Variants in ERC2 observed in about 807,000 individuals in gnomAD.
The protein encoded by ERC2 is ERC protein 2.
A neutral mutation model predicts 114.8 loss-of-function variants in ERC2; 42 were observed. The observed-to-expected ratio is 0.37, with a 90% CI of 0.29 to 0.47. The LOEUF is 0.47. ERC2 is among the 20% of genes least tolerant of loss of function. The pLI is 0.99. For synonymous variants in ERC2, 454 were observed against 425.5 expected, an observed-to-expected ratio of 1.07 and a Z score of -0.82; for missense variants, 939 against 1,150.7, an observed-to-expected ratio of 0.82 and a Z score of 2.66.
At chr3:55,614,910 A>C (rs908312653) in intron 17 of ERC2, among the ~76,000 whole-genome samples, 2 of 152,216 alleles carry the variant, frequency 1.3e-5, no homozygotes, top group Non-Finnish European at 2.9e-5. Context: ...AAAACAAACA[A>C]ACAAACAGGT....
intron 14 of ERC2, among the ~76,000 whole-genome samples, chr3:55,738,681 C>T (rs2065793233): frequency 6.6e-6 from 1 of 152,138 alleles, no homozygotes; most frequent in African/African-American, 2.4e-5. Flanking sequence ...CTGCTTTAAC[C>T]CATTTTCCTT....
intron 17 of ERC2, among the ~76,000 whole-genome samples, chr3:55,530,857 G>A (rs2053620837): frequency 6.6e-6 from 1 of 152,068 alleles, no homozygotes; most frequent in African/African-American, 2.4e-5. Context: ...GGTGGGGGTG[G>A]GCATCCCCCC....
intron 17 of ERC2, among the ~76,000 whole-genome samples, chr3:55,591,363 G>T (rs1249357278): frequency 6.6e-6 from 1 of 152,100 alleles, no homozygotes; most frequent in East Asian, 1.9e-4. Context: ...GGGAAGTGAA[G>T]TCTGGGGTAC....
chr3:56,239,627 G>A (rs888029909), intron 3 of ERC2, among the ~76,000 whole-genome samples: 37 of 152,198 alleles, frequency 2.4e-4, no homozygotes, highest in Admixed American at 2.2e-3. Context: ...TAACTTAGAA[G>A]TACCTAGAGA....
At chr3:55,822,283 CCTTTT>C (rs2060154960) in intron 14 of ERC2, among the ~76,000 whole-genome samples, 1 of 152,142 alleles carries the variant, frequency 6.6e-6, no homozygotes, top group South Asian at 2.1e-4. Flanking sequence ...CAAAATATTT[CCTTTT>C]AAGATCCTCA....
intron 7 of ERC2, among the ~76,000 whole-genome samples, chr3:56,023,785 A>AGGAAGGAAGGAAGGAAGGAAGGAAGGAG (rs2073876637): frequency 6.6e-6 from 1 of 151,588 alleles, no homozygotes; most frequent in African/African-American, 2.4e-5. Context: ...GAAGGAAGGA[A>AGGAAGGAAGGAAGGAAGGAAGGAAGGAG]GGAAGGAAGG....
intron 2 of ERC2, among the ~76,000 whole-genome samples, chr3:56,340,521 TGAGA>T (rs148284942): frequency 9.3e-5 from 13 of 140,194 alleles, no homozygotes; most frequent in African/African-American, 3.1e-4. Flanking sequence ...TGTTTGTGTG[TGAGA>T]GAGAGAGAGA....
chr3:56,217,658 A>C (rs2049582732), intron 3 of ERC2, among the ~76,000 whole-genome samples: 1 of 152,048 alleles, frequency 6.6e-6, no homozygotes, highest in Non-Finnish European at 1.5e-5. Context: ...CATATGGAAC[A>C]AAAAAACAGC....
intron 12 of ERC2, among the ~76,000 whole-genome samples, chr3:55,982,029 C>T (rs991985319): frequency 7.9e-5 from 12 of 152,146 alleles, no homozygotes; most frequent in African/African-American, 1.2e-4. Context: ...TTTAGAGGGG[C>T]AGGATCTGTA....
At chr3:55,592,771 C>A (rs2057954823) in intron 17 of ERC2, among the ~76,000 whole-genome samples, 1 of 152,120 alleles carries the variant, frequency 6.6e-6, no homozygotes, top group Admixed American at 6.5e-5. Flanking sequence ...ATCACAGCAG[C>A]TCTAGGTAGT....
At chr3:55,985,423 C>T (rs2070531455) in intron 12 of ERC2, among the ~76,000 whole-genome samples, 1 of 152,156 alleles carries the variant, frequency 6.6e-6, no homozygotes, top group Non-Finnish European at 1.5e-5. Context: ...AAAACAATGT[C>T]AGGAAATAAC....
At chr3:56,182,079 G>A (rs1457841044) in intron 3 of ERC2, among the ~76,000 whole-genome samples, 1 of 152,162 alleles carries the variant, frequency 6.6e-6, no homozygotes, top group Non-Finnish European at 1.5e-5. Context: ...TAAATTTGGG[G>A]TAATGTGTTA....
At chr3:56,062,379 C>T (rs2076279668) in intron 7 of ERC2, among the ~76,000 whole-genome samples, 3 of 152,148 alleles carry the variant, frequency 2.0e-5, no homozygotes, top group African/African-American at 7.2e-5. Context: ...CAAACTTACA[C>T]ATTTAAAAGG....
At chr3:56,381,424 GC>G (rs1243539380) in intron 2 of ERC2, among the ~76,000 whole-genome samples, 2 of 152,058 alleles carry the variant, frequency 1.3e-5, no homozygotes, top group African/African-American at 2.4e-5. Flanking sequence ...CTCCGTATTG[GC>G]AGGTTTTGCA....
At chr3:56,333,673 A>G (rs77724092) in intron 2 of ERC2, among the ~76,000 whole-genome samples, 6,345 of 152,126 alleles carry the variant, frequency 0.042, 198 homozygotes, top group Non-Finnish European at 0.067. Context: ...TCTTCTTTAT[A>G]TATTCTTATC....
chr3:55,569,587 A>T (rs2056585206), intron 17 of ERC2, among the ~76,000 whole-genome samples: 1 of 152,220 alleles, frequency 6.6e-6, no homozygotes, highest in Non-Finnish European at 1.5e-5. Flanking sequence ...AAATTAGACG[A>T]ATCGTTTTCA....
intron 2 of ERC2, among the ~76,000 whole-genome samples, chr3:56,358,679 T>G (rs1367222408): frequency 6.6e-6 from 1 of 152,220 alleles, no homozygotes; most frequent in African/African-American, 2.4e-5. Context: ...TCAGTTCAAA[T>G]CTCAACTCTG....
chr3:55,917,442 C>T (rs113705241), intron 13 of ERC2, among the ~76,000 whole-genome samples: 30 of 152,246 alleles, frequency 2.0e-4, no homozygotes, highest in African/African-American at 7.2e-4. Flanking sequence ...CATGCTGCCA[C>T]ATGGATGAGC....
intron 2 of ERC2, among the ~76,000 whole-genome samples, chr3:56,374,003 G>T (rs890038663): frequency 4.6e-5 from 7 of 152,134 alleles, no homozygotes; most frequent in African/African-American, 1.7e-4. Context: ...CTAAAGAGGA[G>T]TTGTCCCAGT....
Sources: allele counts gnomAD v4.1 joint callset (sites outside exome capture counted in the v4.1 genomes callset), GRCh38; gene constraint gnomAD v4.1.1; transcripts MANE v1.5; gene names NCBI Gene and HGNC (gene_info 2026-07-23, HGNC 2026-07-21).